TMPRSS15: variants seen among roughly 807,000 people sequenced by gnomAD.
TMPRSS15 encodes transmembrane serine protease 15, also known as enteropeptidase.
TMPRSS15 carries 128 observed loss-of-function variants against 125.3 expected under a neutral mutation model. The ratio of observed to expected loss-of-function variants is 1.02; its 90% CI spans 0.89 to 1.18. The LOEUF is 1.18. TMPRSS15 is among the 50% of genes most tolerant of loss of function. The pLI is 0.00. For missense variants in TMPRSS15, 1,283 were observed against 1,212.7 expected (o/e 1.06, Z -0.86); for synonymous variants, 446 against 423.2 (o/e 1.05, Z -0.66).
intron 21 of TMPRSS15, among the ~76,000 whole-genome samples, chr21:18,281,506 G>A (rs554521016): frequency 1.9e-4 from 29 of 152,226 alleles, no homozygotes; most frequent in African/African-American, 5.8e-4. Context: ...GCAATCTCGT[G>A]AGGTGCTTTT....
At chr21:18,382,840 G>A (rs1386246348) in intron 4 of TMPRSS15, among the ~76,000 whole-genome samples, 1 of 152,110 alleles carries the variant, frequency 6.6e-6, no homozygotes, top group East Asian at 1.9e-4. Context: ...TGAATTGAAT[G>A]AAGGATAATT....
chr21:18,335,400 T>C (rs2075382241), intron 13 of TMPRSS15, among the ~76,000 whole-genome samples: 1 of 152,214 alleles, frequency 6.6e-6, no homozygotes, highest in Non-Finnish European at 1.5e-5. Flanking sequence ...GGAAAATGCA[T>C]TGGATTTTGA....
rs944342970 is a variant in TMPRSS15, at chr21:18,305,584, G to A, written c.2165+7361C>T. On this transcript the variant is annotated intron_variant, in intron 18 of 24. Transcript: ENST00000284885. ...GAGATCCACTGACCTAGACCATTCT[G>A]AATCTAAGAGTCTGAGGCTGAGACT... 2.0e-4 allele frequency among the ~76,000 whole-genome samples: 30 copies of A among 152,260 alleles called. 1 individual carries two copies. Among genetic ancestry groups the A allele is most frequent in the African/African-American group, 7.0e-4 (29 of 41,568 alleles).
chr21:18,270,206 TA>T, intron 24 of TMPRSS15, 82 bp from the exon 25 acceptor site: 1 of 1,186,154 alleles, frequency 8.4e-7, no homozygotes, highest in Non-Finnish European at 1.2e-6. Flanking sequence ...TCAAATAAAT[TA>T]AAAAATAAAA....
At chr21:18,348,810 C>G (rs1416608355) in intron 10 of TMPRSS15, among the ~76,000 whole-genome samples, 1 of 152,166 alleles carries the variant, frequency 6.6e-6, no homozygotes, top group Non-Finnish European at 1.5e-5. Flanking sequence ...TTCTCGAATA[C>G]TTTTGCAGTA....
intron 1 of TMPRSS15, among the ~76,000 whole-genome samples, chr21:18,409,277 T>C (rs1261174618): frequency 2.0e-5 from 3 of 152,176 alleles, no homozygotes; most frequent in African/African-American, 7.2e-5. Context: ...TTTTCATACT[T>C]GAAGTTCAAA....
chr21:18,414,665 G>A (rs548453676), intron 1 of TMPRSS15, among the ~76,000 whole-genome samples: 8 of 152,180 alleles, frequency 5.3e-5, no homozygotes, highest in South Asian at 2.1e-4. Flanking sequence ...GTTCATCCAC[G>A]TTGTTGCAAA....
Position 18,464,995 on chromosome 21 carries a change from G to A in TMPRSS15, c.10+20804C>T, listed in dbSNP as rs2122955082. On this transcript the variant is annotated intron_variant, in intron 1 of 7. Transcript: ENST00000422787. ...TAGGCCAATATCCCTGATGAACATC[G>A]ATGTGAAAATCCTCAATAAAATACA... 7.9e-5 allele frequency among the ~76,000 whole-genome samples: 12 copies of A among 152,124 alleles called. 1 individual carries two copies. The highest frequency in any genetic ancestry group is 2.6e-4 in the Admixed American group (4 of 15,270).
Position 18,434,563 on chromosome 21 carries a change from GTATTTACACAAC to G in TMPRSS15, c.11-36246_11-36235del, listed in dbSNP as rs541800919. On this transcript the variant is annotated intron_variant, in intron 1 of 7. Transcript: ENST00000422787. ...CTATGTAAACAGTCATAAATCTGGT[GTATTTACACAAC>G]TATTTGCAGAACAATTATTATAGTT... Among the ~76,000 whole-genome samples, 866 of 152,108 alleles carry G rather than the reference GTATTTACACAAC, an allele frequency of 5.7e-3. 9 individuals are homozygous for G. The highest frequency in any genetic ancestry group is 0.019 in the African/African-American group (791 of 41,542).
chr21:18,278,714 T>A (rs1318076906), intron 23 of TMPRSS15, among the ~76,000 whole-genome samples: 1 of 152,092 alleles, frequency 6.6e-6, no homozygotes, highest in Admixed American at 6.6e-5. Context: ...ATTGCGAGAC[T>A]CCGTCTCAAA....
chr21:18,305,569 G>A (rs1488748097), intron 18 of TMPRSS15, among the ~76,000 whole-genome samples: 1 of 152,122 alleles, frequency 6.6e-6, no homozygotes, highest in Non-Finnish European at 1.5e-5. Context: ...GAGATCCACT[G>A]ACCTAGACCA....
In TMPRSS15 at chr21:18,292,689, C is replaced by T. The variant is rs141757385; in HGVS notation, c.2486+1581G>A. Among the ~76,000 whole-genome samples the T allele has an allele frequency of 1.1e-4, 16 of 152,276 alleles. No homozygotes were observed. In the East Asian group the frequency reaches 1.4e-3, roughly 13 times the overall value. ...AAGGTTGCTAACTTATTAAGATCTACCTATGTGCAACAGAAAACACTGACT... is the reference window on the plus strand; with the variant it reads ...AAGGTTGCTAACTTATTAAGATCTATCTATGTGCAACAGAAAACACTGACT... On this transcript the variant is annotated intron_variant, in intron 21 of 24. Transcript: ENST00000284885.
At chr21:18,347,151 C>A (rs1009154070) in intron 10 of TMPRSS15, among the ~76,000 whole-genome samples, 6 of 151,828 alleles carry the variant, frequency 4.0e-5, no homozygotes, top group African/African-American at 1.5e-4. Flanking sequence ...CTTCAGAAAG[C>A]CTCCCAATTA....
chr21:18,345,603 T>C (rs1273765905), intron 10 of TMPRSS15, among the ~76,000 whole-genome samples: 2 of 146,598 alleles, frequency 1.4e-5, no homozygotes, highest in Admixed American at 6.9e-5. Flanking sequence ...TAGCTGGGCG[T>C]GGTGGCGGGC....
upstream of TMPRSS15, among the ~76,000 whole-genome samples, chr21:18,406,761 A>G (rs985646699): frequency 6.9e-4 from 105 of 152,172 alleles, 1 homozygote; most frequent in Admixed American, 6.7e-3. Context: ...AAATGCACAC[A>G]TACAATCTGA....
chr21:18,272,752 AATAC>A (rs1299608737), intron 24 of TMPRSS15, among the ~76,000 whole-genome samples: 3 of 152,070 alleles, frequency 2.0e-5, no homozygotes, highest in Admixed American at 6.6e-5. Flanking sequence ...ATAATAAATA[AATAC>A]ATACGTAAAT....
At position 18,275,154 on chromosome 21, in the gene TMPRSS15, A is replaced by T. The variant is rs761847796; in HGVS notation, c.2904+43T>A. 8 of 1,607,520 alleles carry T rather than the reference A, an allele frequency of 5.0e-6. No individual in the cohort carries two copies. In the Admixed American group the frequency reaches 1.3e-4, roughly 27 times the overall value. ...TAAGCAATGAAATAACTATAACACC[A>T]GTGCTTTCTGAAAAGGTACAGTGAG... On this transcript the variant is annotated intron_variant, in intron 24 of 24. Transcript: ENST00000284885.
At chr21:18,309,950 C>T (rs1290278065) in intron 18 of TMPRSS15, among the ~76,000 whole-genome samples, 1 of 152,044 alleles carries the variant, frequency 6.6e-6, no homozygotes, top group Non-Finnish European at 1.5e-5. Flanking sequence ...TTGGATGAGG[C>T]TTGGAGCTGG....
At chr21:18,399,028 C>T (rs928631065) in intron 1 of TMPRSS15, among the ~76,000 whole-genome samples, 4 of 151,966 alleles carry the variant, frequency 2.6e-5, no homozygotes, top group African/African-American at 9.7e-5. Flanking sequence ...TCATTAAGTC[C>T]TACATAATCC....
Sources: allele counts gnomAD v4.1 joint callset (sites outside exome capture counted in the v4.1 genomes callset), GRCh38; gene constraint gnomAD v4.1.1; transcripts MANE v1.5; gene names NCBI Gene and HGNC (gene_info 2026-07-23, HGNC 2026-07-21).